SGO2: variants seen among roughly 807,000 people sequenced by gnomAD.
SGO2 encodes the protein shugoshin 2.
Under a neutral mutation model 99.5 loss-of-function variants are expected in SGO2, and 68 were observed. The ratio of observed to expected loss-of-function variants is 0.68; its 90% CI spans 0.56 to 0.84. SGO2 has a LOEUF of 0.84. SGO2 is among the 40% of genes least tolerant of loss of function. The probability of loss-of-function intolerance (pLI) is 0.00; values close to 1 mark genes in which losing one functional copy is unlikely to be tolerated. For missense variants in SGO2, 1,350 were observed against 1,436.7 expected, an observed-to-expected ratio of 0.94 and a Z score of 0.97; for synonymous variants, 457 against 487.1, an observed-to-expected ratio of 0.94 and a Z score of 0.81.
intron 5 of SGO2, among the ~76,000 whole-genome samples, chr2:200,550,073 A>T (rs2032407904): frequency 6.6e-6 from 1 of 152,262 alleles, no homozygotes; most frequent in African/African-American, 2.4e-5. Context: ...ACAATCTGAA[A>T]AAGAAGTCGA....
At chr2:200,551,788 A>C (rs1028633276) in intron 5 of SGO2, among the ~76,000 whole-genome samples, 1 of 152,132 alleles carries the variant, frequency 6.6e-6, no homozygotes. Flanking sequence ...CTGTATTGTA[A>C]ATCAAGGAGA....
chr2:200,561,005 G>T (rs2032918866), intron 5 of SGO2, among the ~76,000 whole-genome samples: 1 of 152,042 alleles, frequency 6.6e-6, no homozygotes. Context: ...AGTCAGTAAA[G>T]TTTATTGGTG....
At chr2:200,578,320 T>C (rs1268494078) in intron 8 of SGO2, among the ~76,000 whole-genome samples, 3 of 152,212 alleles carry the variant, frequency 2.0e-5, no homozygotes, top group Non-Finnish European at 4.4e-5. Flanking sequence ...CATGACTTCA[T>C]ACTATTTGGA....
intron 4 of SGO2, among the ~76,000 whole-genome samples, chr2:200,539,142 T>C (rs1431599409): frequency 6.6e-6 from 1 of 152,168 alleles, no homozygotes; most frequent in East Asian, 1.9e-4. Flanking sequence ...CTGGGACTTT[T>C]CTGATGAGAG....
chr2:200,531,569 C>A (rs777837216), intron 1 of SGO2, among the ~76,000 whole-genome samples: 7 of 152,016 alleles, frequency 4.6e-5, no homozygotes, highest in Non-Finnish European at 8.8e-5. Context: ...GAGATTGAGG[C>A]TGTAGAGGTT....
chr2:200,565,212 T>C (rs1360554784), intron 5 of SGO2, among the ~76,000 whole-genome samples: 2 of 152,250 alleles, frequency 1.3e-5, no homozygotes, highest in East Asian at 3.8e-4. Context: ...GTTGTTCCTT[T>C]CAATGTTTAG....
At chr2:200,564,027 T>A (rs1425649868) in intron 5 of SGO2, among the ~76,000 whole-genome samples, 1 of 152,242 alleles carries the variant, frequency 6.6e-6, no homozygotes, top group Non-Finnish European at 1.5e-5. Flanking sequence ...GATTAATTGA[T>A]TTTTTGAAGG....
chr2:200,570,025 T>C lies in SGO2; in HGVS notation c.703+133T>C, dbSNP rs2106341842. 2 of 606,984 alleles carry C rather than the reference T, an allele frequency of 3.3e-6. No individual in the cohort carries two copies. Among genetic ancestry groups the C allele is most frequent in the South Asian group, 2.3e-5 (1 of 44,356 alleles). The allele number at this position is 606,984 out of a possible 1,614,324, so 37.6% of individuals were successfully genotyped here. ...GTTACCGATTTGCTAACTTCTGCCA[T>C]TTAAAACTGCTGGTGATAGATTTAA... On this transcript the variant is annotated intron_variant, in intron 6 of 8. Coordinates refer to ENST00000357799, the MANE Select transcript of SGO2 (RefSeq NM_152524.6). The surrounding 1 kb of genome is among the most constrained non-coding windows in gnomAD (Gnocchi z 4.4).
In SGO2 at chr2:200,535,188, G is replaced by A; in HGVS notation, c.309+17G>A. The A allele has an allele frequency of 6.8e-7, 1 of 1,462,876 alleles. No homozygotes were observed. Among genetic ancestry groups the A allele is most frequent in the Non-Finnish European group, 9.0e-7 (1 of 1,110,954 alleles). 90.6% of individuals were successfully genotyped at this position (1,462,876 alleles called of 1,614,324 possible). On this transcript the variant is annotated intron_variant, in intron 3 of 8. Transcript: ENST00000357799. ...AATAACTTGGTATGTAAGCTATATTGTTTTTGAATTCTAATTATAACTTAA... is the reference window on the plus strand; with the variant it reads ...AATAACTTGGTATGTAAGCTATATTATTTTTGAATTCTAATTATAACTTAA...
intron 3 of SGO2, among the ~76,000 whole-genome samples, chr2:200,535,826 A>ATG (rs199684122): frequency 3.0e-4 from 46 of 151,414 alleles, no homozygotes; most frequent in Admixed American, 5.9e-4. Context: ...TATTCAACAT[A>ATG]TGTGTGTGTG....
intron 5 of SGO2, among the ~76,000 whole-genome samples, chr2:200,566,586 T>C (rs774023530): frequency 6.6e-6 from 1 of 152,158 alleles, no homozygotes; most frequent in Non-Finnish European, 1.5e-5. Context: ...GAACGACTAT[T>C]CTCTTCAAAG....
chr2:200,535,481 G>A (rs933960956), intron 3 of SGO2, among the ~76,000 whole-genome samples: 2 of 152,058 alleles, frequency 1.3e-5, no homozygotes, highest in South Asian at 2.1e-4. Flanking sequence ...TAGTTCTTCC[G>A]GTGTTCTTGA....
At position 200,571,305 on chromosome 2, in the gene SGO2, C is replaced by T. The variant is rs1355039013; in HGVS notation, c.959C>T (p.Thr320Ile). The T allele has an allele frequency of 9.3e-6, 15 of 1,612,882 alleles. No individual in the cohort carries two copies. Among genetic ancestry groups the T allele is most frequent in the African/African-American group, 1.3e-5 (1 of 74,898 alleles). ...AATGGTCATACTAATGAAACAAATACTGAAATGCAAAGAAATAAACAGGAT... is the reference window on the plus strand; with the variant it reads ...AATGGTCATACTAATGAAACAAATATTGAAATGCAAAGAAATAAACAGGAT... ...EINGHTNETN[T>I]EMQRNKQDLP... is the part of the protein sequence containing the mutation. The change falls in exon 7 of 9, where the codon ACT (threonine) becomes ATT (isoleucine). Residue 320 changes from threonine to isoleucine, a missense_variant. Thr to Ile is a moderately conservative substitution (Grantham distance 89). Coordinates refer to ENST00000357799, the MANE Select transcript of SGO2 (RefSeq NM_152524.6).
chr2:200,555,787 A>G (rs992704312), intron 5 of SGO2, among the ~76,000 whole-genome samples: 1 of 152,214 alleles, frequency 6.6e-6, no homozygotes, highest in Non-Finnish European at 1.5e-5. Flanking sequence ...CTGAAAGTCA[A>G]AAATATCAGA....
At chr2:200,528,483 A>G (rs1022503443) in intron 1 of SGO2, among the ~76,000 whole-genome samples, 2 of 152,206 alleles carry the variant, frequency 1.3e-5, no homozygotes, top group Non-Finnish European at 2.9e-5. Flanking sequence ...GACCTGAGCA[A>G]CTGAAAGAAT....
At chr2:200,556,255 C>T (rs1038977951) in intron 5 of SGO2, among the ~76,000 whole-genome samples, 10 of 152,276 alleles carry the variant, frequency 6.6e-5, no homozygotes, top group East Asian at 1.9e-4. Flanking sequence ...CATGAGCCAC[C>T]GTGCTAAGTC....
At chr2:200,542,701 A>G (rs971698974) in intron 5 of SGO2, 37 bp downstream of exon 5, 8 of 1,515,020 alleles carry the variant, frequency 5.3e-6, no homozygotes, top group South Asian at 2.3e-5. Context: ...TTCAGAGTAT[A>G]TAGATTTTAT....
chr2:200,550,732 A>G (rs2032445512), intron 5 of SGO2, among the ~76,000 whole-genome samples: 1 of 152,184 alleles, frequency 6.6e-6, no homozygotes, highest in Non-Finnish European at 1.5e-5. Flanking sequence ...CTATGAAACT[A>G]TTAGAAGAAA....
At chr2:200,579,977 A>T (rs1389853568) in intron 8 of SGO2, among the ~76,000 whole-genome samples, 3 of 152,120 alleles carry the variant, frequency 2.0e-5, no homozygotes, top group African/African-American at 7.2e-5. Context: ...ATACTTATAT[A>T]ATTTTAGAAC....
Sources: gnomAD v4.1 joint callset for allele counts (sites outside exome capture counted in the v4.1 genomes callset) on GRCh38, gnomAD v4.1.1 for gene constraint, Gnocchi (gnomAD v3.1) non-coding constraint, MANE v1.5 for transcripts, NCBI Gene and HGNC (gene_info 2026-07-23, HGNC 2026-07-21) for gene names.